Variants in EBF4 observed in about 807,000 individuals in gnomAD.
EBF4 encodes the protein transcription factor COE4.
A neutral mutation model predicts 67.1 loss-of-function variants in EBF4; 34 were observed. The observed-to-expected ratio is 0.51, with a 90% CI of 0.39 to 0.67. EBF4 has a LOEUF of 0.67. Ranked by LOEUF, EBF4 falls within the 30% of genes least tolerant of loss-of-function variation. EBF4 has a pLI of 0.00. For missense variants in EBF4, 837 were observed against 873.3 expected (o/e 0.96, Z 0.52); for synonymous variants, 387 against 377.7 (o/e 1.02, Z -0.29).
At chr20:2,706,239 G>A (rs990106398) in exon 4 of EBF4, 20 of 1,552,174 alleles carry the variant, frequency 1.3e-5, no homozygotes, top group Non-Finnish European at 1.7e-5. Context: ...CTCTACGTGC[G>A]TCTCATCGAC....
intron 5 of EBF4, 73 bp downstream of exon 5, chr20:2,708,093 C>T (rs749646511): frequency 6.2e-6 from 9 of 1,450,546 alleles, no homozygotes; most frequent in Non-Finnish European, 7.5e-6. Flanking sequence ...AGGCCCTGCC[C>T]CCTCGCCGCC....
At chr20:2,742,203 T>C (rs1237598471) in intron 6 of EBF4, among the ~76,000 whole-genome samples, 1 of 152,186 alleles carries the variant, frequency 6.6e-6, no homozygotes, top group African/African-American at 2.4e-5. Flanking sequence ...ACTTTAGCAT[T>C]GACTGTGACT....
At chr20:2,724,079 G>A (rs1037269819) in intron 6 of EBF4, among the ~76,000 whole-genome samples, 1 of 152,116 alleles carries the variant, frequency 6.6e-6, no homozygotes, top group African/African-American at 2.4e-5. Context: ...ATGATGTGTT[G>A]GAGCTGGTTT....
At chr20:2,705,361 G>A (rs1261357276) in intron 1 of EBF4, among the ~76,000 whole-genome samples, 1 of 152,190 alleles carries the variant, frequency 6.6e-6, no homozygotes, top group Non-Finnish European at 1.5e-5. Flanking sequence ...TGTTTTCCAG[G>A]GGGCAGGCTG....
intron 14 of EBF4, among the ~76,000 whole-genome samples, chr20:2,753,589 C>G (rs1297750209): frequency 6.6e-6 from 1 of 152,270 alleles, no homozygotes; most frequent in African/African-American, 2.4e-5. Flanking sequence ...CCAGGCGACT[C>G]TGCCGAGCTG....
At chr20:2,720,585 T>TG (rs1219537213) in intron 6 of EBF4, among the ~76,000 whole-genome samples, 4 of 152,230 alleles carry the variant, frequency 2.6e-5, no homozygotes, top group African/African-American at 7.2e-5. Flanking sequence ...CCTTCAATTA[T>TG]ACCCCTTCTT....
At chr20:2,694,912 T>G (rs1050958714) in intron 1 of EBF4, among the ~76,000 whole-genome samples, 1 of 152,074 alleles carries the variant, frequency 6.6e-6, no homozygotes, top group Non-Finnish European at 1.5e-5. Context: ...AGAGAAAGGG[T>G]CTTGTGGATG....
intron 6 of EBF4, among the ~76,000 whole-genome samples, chr20:2,714,010 G>A (rs1255840193): frequency 6.6e-6 from 1 of 152,198 alleles, no homozygotes; most frequent in Non-Finnish European, 1.5e-5. Flanking sequence ...AGGGACAAAT[G>A]TTCAAGGGTG....
rs758450522 is a variant in EBF4 at position 2,707,933 on chromosome 20, C to A, written c.415-14C>A. 4 of 1,582,702 alleles carry A rather than the reference C, an allele frequency of 2.5e-6. No individual in the cohort carries two copies. In the African/African-American group the frequency reaches 5.4e-5, roughly 21 times the overall value. The stretch of plus-strand genomic sequence containing the variant: ...CCTCCTTCCCCTCCAGCCTGTGCAC[C>A]TCCCTCTCCCCAGGCCATCATCTAT... On this transcript the variant is annotated splice_polypyrimidine_tract_variant and intron_variant, in intron 4 of 16. Transcript: ENST00000609451. This position sits in a 1 kb window ranked among gnomAD's most constrained non-coding sequence, Gnocchi z 4.6.
chr20:2,750,096 A>G, intron 10 of EBF4, 123 bp downstream of exon 10: 1 of 1,385,102 alleles, frequency 7.2e-7, no homozygotes, highest in South Asian at 1.5e-5. Flanking sequence ...CGACCCCTAG[A>G]CGGCCCCGGG....
chr20:2,752,641 G>A lies in EBF4; in HGVS notation c.1540+96G>A, dbSNP rs143011213. 1,456 of 1,084,302 alleles carry A rather than the reference G, an allele frequency of 1.3e-3. 11 individuals are homozygous for A. In the South Asian group the frequency reaches 0.025, roughly 19 times the overall value. 67.2% of individuals were successfully genotyped at this position (1,084,302 alleles called of 1,614,324 possible). A position where few individuals can be genotyped will look rare whatever the true frequency, so the allele number is the denominator to read the frequency against. On this transcript the variant is annotated intron_variant, in intron 14 of 16. Transcript: ENST00000609451. The stretch of plus-strand genomic sequence containing the variant: ...CCATCCCGGAGAGGTTGGGGCGCCG[G>A]CGCCGTGAGAGTCGACCCTGGCTCA...
At position 2,749,828 on chromosome 20, in the gene EBF4, C is replaced by A; in HGVS notation, c.892-19C>A. 6.5e-7 allele frequency: 1 copy of A among 1,545,576 alleles called. No individual in the cohort carries two copies. On this transcript the variant is annotated intron_variant, in intron 9 of 16. Transcript: ENST00000609451. Reference sequence around the variant, plus strand: ...CCTCGCCGGTGCGGGACCTGCAGGCCTCCCCTCTCCCCTCGCAGCTCATCA... The same window carrying A: ...CCTCGCCGGTGCGGGACCTGCAGGCATCCCCTCTCCCCTCGCAGCTCATCA...
At chr20:2,757,201 G>A (rs891363706) in intron 15 of EBF4, among the ~76,000 whole-genome samples, 1 of 152,166 alleles carries the variant, frequency 6.6e-6, no homozygotes. Context: ...ATGAGAGTCC[G>A]GGGACGCTGG....
Position 2,755,673 on chromosome 20 carries a change from C to CCCGG in EBF4, c.1591_1594dup (p.Ala532GlyfsTer54). ...TGGCGGCTGCCTCCTCCATGTCCCT[C>CCCGG]CCGGCCGCTGCCCCCACCACCAGCG... On this transcript the variant is annotated frameshift_variant, in exon 15 of 17. Transcript: ENST00000609451. LOFTEE classifies it high-confidence loss of function. This position sits in a 1 kb window ranked among gnomAD's most constrained non-coding sequence, Gnocchi z 4.7. The CCCGG allele has an allele frequency of 6.5e-7, 1 of 1,549,616 alleles. No homozygotes were observed. The highest frequency in any genetic ancestry group is 8.7e-7 in the Non-Finnish European group (1 of 1,146,342).
intron 6 of EBF4, among the ~76,000 whole-genome samples, chr20:2,722,142 C>T (rs140123297): frequency 6.6e-6 from 1 of 152,066 alleles, no homozygotes; most frequent in Non-Finnish European, 1.5e-5. Context: ...TCGAGCAGTC[C>T]TCCCACCTCA....
intron 5 of EBF4, among the ~76,000 whole-genome samples, chr20:2,708,620 T>A (rs1201843327): frequency 6.6e-6 from 1 of 152,084 alleles, no homozygotes; most frequent in Non-Finnish European, 1.5e-5. Flanking sequence ...CTTGGAAGGC[T>A]GAGGCAGGAA....
chr20:2,754,980 A>ACCCCCGC (rs1407127501), intron 14 of EBF4: 4 of 97,336 alleles, frequency 4.1e-5, no homozygotes, highest in African/African-American at 1.2e-4. Flanking sequence ...ACCCCCCCCC[A>ACCCCCGC]CAGGGCCCAG....
At chr20:2,748,489 G>T in intron 6 of EBF4, 60 bp from the exon 7 acceptor site, 1 of 1,487,876 alleles carries the variant, frequency 6.7e-7, no homozygotes, top group Non-Finnish European at 9.2e-7. Flanking sequence ...GGGAGCAGTT[G>T]GATCTTCATC....
chr20:2,750,346 T>C (rs2088124106), intron 10 of EBF4, among the ~76,000 whole-genome samples: 1 of 152,010 alleles, frequency 6.6e-6, no homozygotes, highest in Non-Finnish European at 1.5e-5. Context: ...GCCAATGGGG[T>C]CGCTGCTCCC....
Sources: gnomAD v4.1 joint callset for allele counts (sites outside exome capture counted in the v4.1 genomes callset) on GRCh38, gnomAD v4.1.1 for gene constraint, Gnocchi (gnomAD v3.1) non-coding constraint, MANE v1.5 for transcripts, NCBI Gene and HGNC (gene_info 2026-07-23, HGNC 2026-07-21) for gene names.